The following RSBN1L variants were observed in gnomAD, a reference collection of about 807,000 sequenced individuals.
The protein encoded by RSBN1L is round spermatid basic protein 1 like.
In RSBN1L, 30 loss-of-function variants were observed where a neutral mutation model predicts 67.7. The observed-to-expected ratio is 0.44, with a 90% CI of 0.33 to 0.60. RSBN1L has a LOEUF of 0.60. RSBN1L is among the 20% of genes least tolerant of loss of function. RSBN1L has a pLI of 0.02. For synonymous variants in RSBN1L, 433 were observed against 387.0 expected (o/e 1.12, Z -1.39); for missense variants, 992 against 1,031.7 (o/e 0.96, Z 0.53).
intron 2 of RSBN1L, among the ~76,000 whole-genome samples, chr7:77,741,605 T>G (rs1009452989): frequency 3.3e-5 from 5 of 149,754 alleles, no homozygotes; most frequent in African/African-American, 9.9e-5. Context: ...GGCAGGAGAA[T>G]GGTGTGAACC....
intron 6 of RSBN1L, 175 bp downstream of exon 6, chr7:77,773,489 G>A (rs1025095774): frequency 2.3e-6 from 1 of 442,464 alleles, no homozygotes; most frequent in Non-Finnish European, 3.8e-6. Flanking sequence ...ATCTGGCTGG[G>A]TGGGGTGGCT....
At chr7:77,750,785 G>A (rs1178292554) in intron 3 of RSBN1L, among the ~76,000 whole-genome samples, 1 of 152,052 alleles carries the variant, frequency 6.6e-6, no homozygotes, top group African/African-American at 2.4e-5. Context: ...ACGGTTTTTG[G>A]TTTCTAGGAC....
At chr7:77,721,824 ATTCGTT>A (rs1173118327) in intron 1 of RSBN1L, among the ~76,000 whole-genome samples, 1 of 152,154 alleles carries the variant, frequency 6.6e-6, no homozygotes, top group Non-Finnish European at 1.5e-5. Context: ...TGGTTTATTC[ATTCGTT>A]TTAAGCAGAA....
chr7:77,704,834 G>A (rs1482079643), intron 1 of RSBN1L, among the ~76,000 whole-genome samples: 1 of 151,764 alleles, frequency 6.6e-6, no homozygotes, highest in Non-Finnish European at 1.5e-5. Flanking sequence ...CAAAAATTAG[G>A]TGTGTCGGGC....
intron 6 of RSBN1L, among the ~76,000 whole-genome samples, chr7:77,775,191 G>A (rs1398707821): frequency 6.6e-6 from 1 of 152,100 alleles, no homozygotes; most frequent in Non-Finnish European, 1.5e-5. Context: ...TAGGATTACA[G>A]GTGCGAAACA....
rs550511940 is a variant in RSBN1L at position 77,746,103 on chromosome 7, C to T, written c.704-3321C>T. Among the ~76,000 whole-genome samples the T allele has an allele frequency of 3.3e-5, 5 of 152,288 alleles. No individual in the cohort carries two copies. In the East Asian group the frequency reaches 9.7e-4, roughly 29 times the overall value. The stretch of plus-strand genomic sequence containing the variant: ...TATGGACCAGTACCGGTCTGTTGCC[C>T]TGGGATTGGGGATGCCTGCATTAAA... On this transcript the variant is annotated intron_variant, in intron 2 of 7. Transcript: ENST00000334955.
chr7:77,718,500 A>T (rs1409631729), intron 1 of RSBN1L, among the ~76,000 whole-genome samples: 7 of 152,080 alleles, frequency 4.6e-5, no homozygotes. Flanking sequence ...CATGTTTGCC[A>T]GGCTGGTCTC....
At chr7:77,744,681 G>T (rs1034921629) in intron 2 of RSBN1L, among the ~76,000 whole-genome samples, 6 of 148,464 alleles carry the variant, frequency 4.0e-5, no homozygotes, top group African/African-American at 1.5e-4. Flanking sequence ...GCCTCCCAAA[G>T]TGCTGGGATT....
intron 1 of RSBN1L, among the ~76,000 whole-genome samples, chr7:77,716,983 CAG>C (rs1217150511): frequency 4.2e-5 from 6 of 143,740 alleles, no homozygotes; most frequent in Non-Finnish European, 9.1e-5. Context: ...TCAAAGGAGA[CAG>C]GGTCTTGCTC....
At chr7:77,749,388 A>G (rs780473727) in intron 2 of RSBN1L, 36 bp from the exon 3 acceptor site, 2 of 1,441,256 alleles carry the variant, frequency 1.4e-6, no homozygotes, top group East Asian at 4.8e-5. Context: ...TAAAGTAATT[A>G]AAATATGGAG....
At chr7:77,752,946 C>T (rs9986707) in intron 3 of RSBN1L, among the ~76,000 whole-genome samples, 88,474 of 152,004 alleles carry the variant, frequency 0.58, 27,866 homozygotes, top group African/African-American at 0.84. Context: ...TGTAGTATAA[C>T]GTTTGTGAGA....
At chr7:77,728,811 G>T (rs1244419155) in intron 1 of RSBN1L, among the ~76,000 whole-genome samples, 3 of 152,168 alleles carry the variant, frequency 2.0e-5, no homozygotes, top group African/African-American at 7.2e-5. Flanking sequence ...TTGGGGAGGG[G>T]AATCACAGAA....
chr7:77,732,054 T>C, intron 1 of RSBN1L, among the ~76,000 whole-genome samples: 1 of 152,342 alleles, frequency 6.6e-6, no homozygotes, highest in South Asian at 2.1e-4. Flanking sequence ...GTAATCCTTA[T>C]ATTTAGTTTG....
intron 1 of RSBN1L, 94 bp downstream of exon 1, chr7:77,697,149 C>G (rs1356012577): frequency 9.5e-6 from 12 of 1,263,012 alleles, no homozygotes; most frequent in Non-Finnish European, 1.2e-5. Flanking sequence ...GCGCGGCGGC[C>G]GCGTGCGCCG....
chr7:77,711,672 C>T (rs1245590110), intron 1 of RSBN1L, among the ~76,000 whole-genome samples: 2 of 152,086 alleles, frequency 1.3e-5, no homozygotes, highest in African/African-American at 2.4e-5. Flanking sequence ...TAACCAACAA[C>T]AGTTTGGGAA....
At chr7:77,770,818 C>T (rs907323708) in intron 5 of RSBN1L, among the ~76,000 whole-genome samples, 15 of 152,004 alleles carry the variant, frequency 9.9e-5, no homozygotes, top group African/African-American at 2.9e-4. Context: ...AATAACAAAA[C>T]CCTACTATGT....
chr7:77,697,416 C>T (rs911219970), intron 1 of RSBN1L: 5 of 202,288 alleles, frequency 2.5e-5, no homozygotes, highest in Non-Finnish European at 4.9e-5. Flanking sequence ...GTAAAAGATG[C>T]TTGATTGATT....
chr7:77,739,711 GAAAAAAA>G (rs1158112982), intron 2 of RSBN1L, among the ~76,000 whole-genome samples: 12 of 34,412 alleles, frequency 3.5e-4, no homozygotes, highest in Non-Finnish European at 4.6e-4. Flanking sequence ...TTGGTCTCAG[GAAAAAAA>G]AAAAAAAAAA....
chr7:77,724,554 T>C (rs1318421834), intron 1 of RSBN1L, among the ~76,000 whole-genome samples: 3 of 151,590 alleles, frequency 2.0e-5, no homozygotes, highest in Non-Finnish European at 2.9e-5. Flanking sequence ...GCCTCCTGAG[T>C]AGCTGGGATT....
Sources: allele counts gnomAD v4.1 joint callset (sites outside exome capture counted in the v4.1 genomes callset), GRCh38; gene constraint gnomAD v4.1.1; transcripts MANE v1.5; gene names NCBI Gene and HGNC (gene_info 2026-07-23, HGNC 2026-07-21).